The following PTK7 variants were observed in gnomAD, a reference collection of about 807,000 sequenced individuals.
PTK7 encodes inactive tyrosine-protein kinase 7.
PTK7 carries 39 observed loss-of-function variants against 116.6 expected under a neutral mutation model. The observed-to-expected ratio is 0.33, with a 90% confidence interval of 0.26 to 0.44. PTK7 has a LOEUF of 0.44. Among genes scored for constraint, PTK7 ranks in the 20% least tolerant of loss-of-function variants. The probability of loss-of-function intolerance (pLI) is 1.00; values close to 1 mark genes in which losing one functional copy is unlikely to be tolerated. For synonymous variants in PTK7, 546 were observed against 563.6 expected (o/e 0.97, Z 0.44); for missense variants, 1,169 against 1,425.6 (o/e 0.82, Z 2.90).
In PTK7 at chr6:43,129,689, T is replaced by C. The variant is rs1445091082; in HGVS notation, c.368-38T>C. 6.3e-7 allele frequency: 1 copy of C among 1,586,386 alleles called. No individual in the cohort carries two copies. Among genetic ancestry groups the C allele is most frequent in the Non-Finnish European group, 8.7e-7 (1 of 1,155,258 alleles). On this transcript the variant is annotated intron_variant, in intron 2 of 19. Coordinates refer to ENST00000230419, the MANE Select transcript of PTK7 (RefSeq NM_002821.5). The surrounding 1 kb of genome is among the most constrained non-coding windows in gnomAD (Gnocchi z 4.5). ...GCCCTCTGCCTTCCCGCCTTTGCCC[T>C]GCTCTGCCCCTCACTGCAACCGTGG...
chr6:43,161,046 C>A lies in PTK7; in HGVS notation c.*165C>A. ...GGGCCTGGCCTTTCCTCCTCTTCCTCACCCTCATCCTTTGGGAGGCTGACT... is the reference window on the plus strand; with the variant it reads ...GGGCCTGGCCTTTCCTCCTCTTCCTAACCCTCATCCTTTGGGAGGCTGACT... On this transcript the variant is annotated 3_prime_UTR_variant, in exon 20 of 20. Coordinates refer to ENST00000230419, the MANE Select transcript of PTK7 (RefSeq NM_002821.5). The A allele has an allele frequency of 9.7e-7, 1 of 1,025,962 alleles. No individual in the cohort carries two copies. The highest frequency in any genetic ancestry group is 1.4e-6 in the Non-Finnish European group (1 of 731,246). The allele number at this position is 1,025,962 out of a possible 1,614,324, so 63.6% of individuals were successfully genotyped here. A position where few individuals can be genotyped will look rare whatever the true frequency, so the allele number is the denominator to read the frequency against.
At chr6:43,108,222 G>A (rs1768003428) in intron 1 of PTK7, among the ~76,000 whole-genome samples, 1 of 151,468 alleles carries the variant, frequency 6.6e-6, no homozygotes, top group Non-Finnish European at 1.5e-5. Flanking sequence ...AGCCTCCTGA[G>A]TAGCTGGGAC....
At position 43,144,521 on chromosome 6, in the gene PTK7, C is replaced by T. The variant is rs774362601; in HGVS notation, c.2322C>T (p.Ser774=). The T allele has an allele frequency of 8.1e-6, 13 of 1,614,056 alleles. No individual in the cohort carries two copies. The highest frequency in any genetic ancestry group is 1.6e-4 in the Middle Eastern group (1 of 6,084). ...QEEVALTSLG[S]GPAATNKRHS... ...AAGTGGCCTTGACCAGCTTGGGCTC[C>T]GGCCCCGCGGCCACCAACAAACGCC... is the stretch of plus-strand genomic sequence containing the variant. Residue 774 remains serine (S), a synonymous_variant, in exon 15 of 20, where the codon TCC becomes TCT. Transcript: ENST00000230419.
chr6:43,103,517 C>A (rs1767696543), intron 1 of PTK7, among the ~76,000 whole-genome samples: 1 of 151,938 alleles, frequency 6.6e-6, no homozygotes, highest in African/African-American at 2.4e-5. Flanking sequence ...GCAGGTGGAG[C>A]AGACCCCCCA....
chr6:43,085,848 G>A (rs1235810106), intron 1 of PTK7, among the ~76,000 whole-genome samples: 1 of 150,968 alleles, frequency 6.6e-6, no homozygotes, highest in Admixed American at 6.6e-5. Context: ...CAGGAGAATC[G>A]CTTGAACCCG....
intron 14 of PTK7, 118 bp from the exon 15 acceptor site, chr6:43,144,333 G>A: frequency 7.7e-7 from 1 of 1,290,536 alleles, no homozygotes; most frequent in Non-Finnish European, 1.1e-6. Flanking sequence ...CTTTCATGTG[G>A]AGCACTGTGA....
At chr6:43,092,010 G>A (rs909410263) in intron 1 of PTK7, among the ~76,000 whole-genome samples, 5 of 152,018 alleles carry the variant, frequency 3.3e-5, no homozygotes, top group South Asian at 4.1e-4. Flanking sequence ...TTACAGGCAC[G>A]TGTCACTACG....
At chr6:43,094,250 G>A (rs746925679) in intron 1 of PTK7, among the ~76,000 whole-genome samples, 2 of 152,150 alleles carry the variant, frequency 1.3e-5, no homozygotes, top group Non-Finnish European at 2.9e-5. Context: ...GTTGGAGGAC[G>A]TCGGTGTGAA....
intron 18 of PTK7, among the ~76,000 whole-genome samples, 197 bp downstream of exon 18, chr6:43,159,165 G>A (rs1358170843): frequency 1.3e-5 from 2 of 152,138 alleles, no homozygotes; most frequent in African/African-American, 4.8e-5. Flanking sequence ...CACCCTTGGT[G>A]GTTGTAAAAT....
rs765948236 is a variant in PTK7 at position 43,130,546 on chromosome 6, G to A, written c.697G>A (p.Asp233Asn). 3 of 1,614,056 alleles carry A rather than the reference G, an allele frequency of 1.9e-6. No individual in the cohort carries two copies. The highest frequency in any genetic ancestry group is 1.3e-5 in the African/African-American group (1 of 75,028). The change falls in exon 5 of 20, where the codon GAC (aspartate) becomes AAC (asparagine). Residue 233 changes from aspartate (D) to asparagine (N), a missense_variant. Physicochemically the swap from Asp to Asn is conservative, Grantham distance 23. Coordinates refer to ENST00000230419, the MANE Select transcript of PTK7 (RefSeq NM_002821.5). ...SFARVVLAPQ[D>N]VVVARYEEAM... is the part of the protein sequence containing the mutation. ...TGCCAGGGTGGTGCTGGCACCCCAG[G>A]ACGTGGTAGTAGCGAGGTATGAGGA... is the stretch of plus-strand genomic sequence containing the variant.
Position 43,143,233 on chromosome 6 carries a change from GA to G in PTK7, c.2048-183del. On this transcript the variant is annotated intron_variant, in intron 13 of 19. Coordinates refer to ENST00000230419, the MANE Select transcript of PTK7 (RefSeq NM_002821.5). This position sits in a 1 kb window ranked among gnomAD's most constrained non-coding sequence, Gnocchi z 4.2. ...GGAACCCCTGGCCTCATCTCCTTCA[GA>G]GTCTTCGTTTGACCTTGGTGGGGCA... The G allele has an allele frequency of 1.6e-6, 1 of 607,746 alleles. No individual in the cohort carries two copies. Among genetic ancestry groups the G allele is most frequent in the Non-Finnish European group, 2.9e-6 (1 of 347,386 alleles). The allele number at this position is 607,746 out of a possible 1,614,324, so 37.6% of individuals were successfully genotyped here.
At chr6:43,110,474 G>A (rs138549779) in intron 1 of PTK7, among the ~76,000 whole-genome samples, 125 of 151,606 alleles carry the variant, frequency 8.2e-4, no homozygotes, top group Admixed American at 2.4e-3. Flanking sequence ...GTACAGTGGC[G>A]CAATCTTGGC....
intron 1 of PTK7, among the ~76,000 whole-genome samples, chr6:43,108,513 TC>T (rs1211490292): frequency 7.0e-6 from 1 of 143,300 alleles, no homozygotes; most frequent in Non-Finnish European, 1.5e-5. Flanking sequence ...GATCCTCCCA[TC>T]TCAGCCTCCC....
At chr6:43,096,379 A>G (rs556334724) in intron 1 of PTK7, among the ~76,000 whole-genome samples, 54 of 150,650 alleles carry the variant, frequency 3.6e-4, no homozygotes, top group Non-Finnish European at 7.1e-4. Flanking sequence ...CAGTTGGTGA[A>G]GGAGGACCGG....
At chr6:43,120,874 C>G (rs897949097) in intron 1 of PTK7, among the ~76,000 whole-genome samples, 1 of 152,084 alleles carries the variant, frequency 6.6e-6, no homozygotes, top group Admixed American at 6.6e-5. Flanking sequence ...CACCACCTCA[C>G]TCCAGCTGCA....
chr6:43,081,103 T>A lies in PTK7; in HGVS notation c.79+4536T>A, dbSNP rs1481503577. On this transcript the variant is annotated intron_variant, in intron 1 of 19. Coordinates refer to ENST00000230419, the MANE Select transcript of PTK7 (RefSeq NM_002821.5). ...CAGTCCAGCTGGAATATTTGCCATCTCCTAACACATATCTGGTTTTCTCCC... is the reference window on the plus strand; with the variant it reads ...CAGTCCAGCTGGAATATTTGCCATCACCTAACACATATCTGGTTTTCTCCC... Among the ~76,000 whole-genome samples the A allele has an allele frequency of 2.0e-5, 3 of 152,284 alleles. No individual in the cohort carries two copies. The South Asian group carries it at 6.2e-4, about 32-fold the overall frequency.
At chr6:43,110,692 G>C (rs1768149337) in intron 1 of PTK7, among the ~76,000 whole-genome samples, 1 of 152,184 alleles carries the variant, frequency 6.6e-6, no homozygotes, top group Admixed American at 6.5e-5. Context: ...TTACAGGTTT[G>C]ACCCACTGTG....
At chr6:43,110,458 G>C (rs1462107093) in intron 1 of PTK7, among the ~76,000 whole-genome samples, 1 of 151,780 alleles carries the variant, frequency 6.6e-6, no homozygotes, top group African/African-American at 2.4e-5. Flanking sequence ...TAGTGCCCAG[G>C]CTGGAGTACA....
intron 1 of PTK7, among the ~76,000 whole-genome samples, chr6:43,104,962 G>A (rs1429201837): frequency 1.3e-5 from 2 of 151,660 alleles, no homozygotes; most frequent in Non-Finnish European, 1.5e-5. Context: ...ACAGGTGCCC[G>A]CCACCATGCT....
Sources: allele counts gnomAD v4.1 joint callset (sites outside exome capture counted in the v4.1 genomes callset), GRCh38; gene constraint gnomAD v4.1.1; non-coding constraint Gnocchi (gnomAD v3.1); transcripts MANE v1.5; gene names NCBI Gene and HGNC (gene_info 2026-07-23, HGNC 2026-07-21).